ALOX5: variants seen among roughly 807,000 people sequenced by gnomAD.
ALOX5 encodes polyunsaturated fatty acid 5-lipoxygenase.
ALOX5 carries 64 observed loss-of-function variants against 87.9 expected under a neutral mutation model. That is an observed-to-expected ratio of 0.73 (90% CI 0.60 to 0.90). The LOEUF (loss-of-function observed/expected upper bound fraction) is 0.90. Ranked by LOEUF, ALOX5 falls within the 40% of genes least tolerant of loss-of-function variation. ALOX5 has a pLI of 0.00. For missense variants in ALOX5, 822 were observed against 907.5 expected (o/e 0.91, Z 1.21); for synonymous variants, 388 against 355.1 (o/e 1.09, Z -1.04).
In ALOX5 at chr10:45,401,299, T is replaced by C. The variant is rs554627116; in HGVS notation, c.431+5363T>C. On this transcript the variant is annotated intron_variant, in intron 3 of 13. Coordinates refer to ENST00000374391, the MANE Select transcript of ALOX5 (RefSeq NM_000698.5). ...CAATATTGTGATACTTTTCTACATA[T>C]CCCTCAATAGTTGAACTTCTTACAA... Among the ~76,000 whole-genome samples, 3 of 152,316 alleles carry C rather than the reference T, an allele frequency of 2.0e-5. No homozygotes were observed. The South Asian group carries it at 6.2e-4, about 32-fold the overall frequency.
chr10:45,382,750 CTGTAGTCATAGGAGGAA>C, intron 2 of ALOX5, 69 bp downstream of exon 2: 1 of 1,533,602 alleles, frequency 6.5e-7, no homozygotes, highest in Non-Finnish European at 8.8e-7. Context: ...CCTCAAAGCA[CTGTAGTCATAGGAGGAA>C]TGACACTGCT....
intron 2 of ALOX5, among the ~76,000 whole-genome samples, chr10:45,387,650 C>T (rs978423690): frequency 6.6e-6 from 1 of 152,182 alleles, no homozygotes; most frequent in African/African-American, 2.4e-5. Flanking sequence ...CCAGTGAGAA[C>T]CAAGCCTGGC....
At chr10:45,432,828 T>C (rs985917427) in intron 7 of ALOX5, among the ~76,000 whole-genome samples, 10 of 152,348 alleles carry the variant, frequency 6.6e-5, no homozygotes, top group Admixed American at 5.9e-4. Flanking sequence ...TATGTAATGT[T>C]TTAAAACTTG....
At chr10:45,428,550 T>C in intron 6 of ALOX5, 68 bp from the exon 7 acceptor site, 3 of 1,594,356 alleles carry the variant, frequency 1.9e-6, no homozygotes, top group Non-Finnish European at 2.6e-6. Context: ...GTCATCACTC[T>C]TTCCCCAGGC....
chr10:45,424,119 C>A lies in ALOX5; in HGVS notation c.633C>A (p.Ile211=). 6.2e-7 allele frequency: 1 copy of A among 1,614,098 alleles called. No individual in the cohort carries two copies. The highest frequency in any genetic ancestry group is 2.2e-5 in the East Asian group (1 of 44,876). The change falls in exon 5 of 14, where the codon ATC becomes ATA. Residue 211 remains isoleucine, a synonymous_variant. Coordinates refer to ENST00000374391, the MANE Select transcript of ALOX5 (RefSeq NM_000698.5). ...SWNDFADFEK[I]FVKISNTISE... is the part of the protein sequence containing the mutation. Reference sequence around the variant, plus strand: ...ATGACTTCGCCGACTTTGAGAAAATCTTTGTCAAGATCAGCAACACTATTT... The same window carrying A: ...ATGACTTCGCCGACTTTGAGAAAATATTTGTCAAGATCAGCAACACTATTT...
chr10:45,385,460 A>G (rs530805652), intron 2 of ALOX5, among the ~76,000 whole-genome samples: 2 of 152,324 alleles, frequency 1.3e-5, no homozygotes, highest in South Asian at 4.1e-4. Flanking sequence ...TTCATCAGCC[A>G]TTGGATAAAT....
intron 2 of ALOX5, among the ~76,000 whole-genome samples, chr10:45,385,857 G>T (rs1390079126): frequency 1.3e-5 from 2 of 152,104 alleles, no homozygotes; most frequent in African/African-American, 4.8e-5. Context: ...AGTGCTGTCG[G>T]GTGGACAGCT....
In ALOX5 at chr10:45,408,597, A is replaced by AG. The variant is rs565340262; in HGVS notation, c.432-3594_432-3593insG. ...TAAAGAGTCTGTTCTAATGGGCTTA[A>AG]CATCTCTGTGTTGATGTGAATGCTG... is the stretch of plus-strand genomic sequence containing the variant. On this transcript the variant is annotated intron_variant, in intron 3 of 13. Coordinates refer to ENST00000374391, the MANE Select transcript of ALOX5 (RefSeq NM_000698.5). 2.2e-3 allele frequency among the ~76,000 whole-genome samples: 334 copies of AG among 152,316 alleles called. 1 individual carries two copies. The highest frequency in any genetic ancestry group is 7.6e-3 in the African/African-American group (317 of 41,564).
chr10:45,419,582 G>A (rs1841429594), intron 4 of ALOX5, among the ~76,000 whole-genome samples: 1 of 152,244 alleles, frequency 6.6e-6, no homozygotes, highest in Non-Finnish European at 1.5e-5. Flanking sequence ...CGTCCTGAAG[G>A]GGGATGATCG....
intron 3 of ALOX5, among the ~76,000 whole-genome samples, chr10:45,403,451 T>C (rs1325489972): frequency 6.6e-6 from 1 of 152,086 alleles, no homozygotes. Flanking sequence ...AAGCCGAGGA[T>C]GGTCATTACC....
At chr10:45,420,175 C>T (rs1470922445) in intron 4 of ALOX5, among the ~76,000 whole-genome samples, 1 of 152,194 alleles carries the variant, frequency 6.6e-6, no homozygotes. Context: ...AAATAATCCC[C>T]TTCTATTAAC....
chr10:45,377,489 G>C (rs1275244352), intron 1 of ALOX5, among the ~76,000 whole-genome samples: 1 of 151,752 alleles, frequency 6.6e-6, no homozygotes, highest in Non-Finnish European at 1.5e-5. Flanking sequence ...CCCCTTCTCT[G>C]CTCCCTCAAT....
chr10:45,382,366 T>G, intron 1 of ALOX5, 117 bp from the exon 2 acceptor site: 1 of 1,049,192 alleles, frequency 9.5e-7, no homozygotes, highest in Non-Finnish European at 1.4e-6. Flanking sequence ...TAAGTGCTTT[T>G]CATTCAACGT....
intron 9 of ALOX5, among the ~76,000 whole-genome samples, chr10:45,442,219 G>A (rs1449653780): frequency 6.6e-6 from 1 of 152,178 alleles, no homozygotes; most frequent in East Asian, 1.9e-4. Flanking sequence ...TCTTTCACCT[G>A]TGTTGGCATC....
chr10:45,427,723 C>T (rs1040512348), intron 6 of ALOX5, among the ~76,000 whole-genome samples: 1 of 152,198 alleles, frequency 6.6e-6, no homozygotes, highest in Non-Finnish European at 1.5e-5. Flanking sequence ...CTAAGCGCTG[C>T]GTTCCCGGCC....
chr10:45,374,245 G>GGCTCCCGGCGCTCGCT lies in ALOX5; in HGVS notation c.-27_-12dup. 2.8e-6 allele frequency: 4 copies of GGCTCCCGGCGCTCGCT among 1,449,946 alleles called. No individual in the cohort carries two copies. Among genetic ancestry groups the GGCTCCCGGCGCTCGCT allele is most frequent in the Non-Finnish European group, 3.6e-6 (4 of 1,100,816 alleles). The allele number at this position is 1,449,946 out of a possible 1,614,324, so 89.8% of individuals were successfully genotyped here. A position where few individuals can be genotyped will look rare whatever the true frequency, so the allele number is the denominator to read the frequency against. Reference sequence around the variant, plus strand: ...GCGGACACCTGGACCGCCGCGCCGAGGCTCCCGGCGCTCGCTGCTCCCGCG... The same window carrying GGCTCCCGGCGCTCGCT: ...GCGGACACCTGGACCGCCGCGCCGAGGCTCCCGGCGCTCGCTGCTCCCGGCGCTCGCTGCTCCCGCG... On this transcript the variant is annotated 5_prime_UTR_variant, in exon 1 of 14. Coordinates refer to ENST00000374391, the MANE Select transcript of ALOX5 (RefSeq NM_000698.5).
chr10:45,400,737 A>G (rs1192692477), intron 3 of ALOX5, among the ~76,000 whole-genome samples: 3 of 152,230 alleles, frequency 2.0e-5, no homozygotes, highest in Non-Finnish European at 4.4e-5. Flanking sequence ...AATGTCCAGA[A>G]TAGGCAAACC....
chr10:45,387,738 G>A (rs1046873241), intron 2 of ALOX5, among the ~76,000 whole-genome samples: 3 of 152,262 alleles, frequency 2.0e-5, no homozygotes, highest in Non-Finnish European at 4.4e-5. Context: ...GCAAGAGGAT[G>A]AGGAACTGGA....
At chr10:45,377,858 CTCTT>C (rs1183258048) in intron 1 of ALOX5, among the ~76,000 whole-genome samples, 2 of 152,248 alleles carry the variant, frequency 1.3e-5, no homozygotes, top group Non-Finnish European at 2.9e-5. Context: ...GACCAACTGA[CTCTT>C]TGCCGAAATA....
Sources: gnomAD v4.1 joint callset for allele counts (sites outside exome capture counted in the v4.1 genomes callset) on GRCh38, gnomAD v4.1.1 for gene constraint, MANE v1.5 for transcripts, NCBI Gene and HGNC (gene_info 2026-07-23, HGNC 2026-07-21) for gene names.